The following MZF1 variants were observed in gnomAD, a reference collection of about 807,000 sequenced individuals.
The protein encoded by MZF1 is zinc finger and SCAN domain-containing protein 6.
MZF1 carries 24 observed loss-of-function variants against 28.6 expected under a neutral mutation model. The observed-to-expected ratio is 0.84, with a 90% CI of 0.61 to 1.18. The LOEUF (loss-of-function observed/expected upper bound fraction) is 1.18. Ranked by LOEUF, MZF1 falls within the 50% of genes most tolerant of loss-of-function variation. The pLI is 0.00. For synonymous variants in MZF1, 516 were observed against 432.5 expected, an observed-to-expected ratio of 1.19 and a Z score of -2.40; for missense variants, 1,166 against 1,026.4, an observed-to-expected ratio of 1.14 and a Z score of -1.86.
chr19:58,562,756 G>A lies in MZF1; in HGVS notation c.1521C>T (p.His507=), dbSNP rs1357900576. Residue 507 remains histidine (H), a synonymous_variant, in exon 6 of 6, where the codon CAC becomes CAT. Coordinates refer to ENST00000215057, the MANE Select transcript of MZF1 (RefSeq NM_198055.2). The part of the protein sequence containing the change: ...RAVLLEHQAV[H]TGDKSFGCVE... ...CGCAGCCAAAGGACTTGTCGCCCGT[G>A]TGTACCGCCTGGTGCTCCAGCAGCA... 1 of 1,536,132 alleles carries A rather than the reference G, an allele frequency of 6.5e-7. No homozygotes were observed. Among genetic ancestry groups the A allele is most frequent in the Admixed American group, 2.0e-5 (1 of 51,048 alleles).
In MZF1 at chr19:58,562,900, C is replaced by A; in HGVS notation, c.1377G>T (p.Gln459His). Residue 459 changes from glutamine (Q) to histidine (H), a missense_variant, in exon 6 of 6, where the codon CAG (glutamine) becomes CAT (histidine). Transcript: ENST00000215057. ...GGCCCGGGGGATCGCCGTGGATGCGCTGGTGCTGCAGCAGATTGGAGCGCT... is the reference window on the plus strand; with the variant it reads ...GGCCCGGGGGATCGCCGTGGATGCGATGGTGCTGCAGCAGATTGGAGCGCT... ...FRQRSNLLQH[Q>H]RIHGDPPGPG... 1 of 1,582,846 alleles carries A rather than the reference C, an allele frequency of 6.3e-7. No individual in the cohort carries two copies. The highest frequency in any genetic ancestry group is 8.5e-7 in the Non-Finnish European group (1 of 1,170,496).
intron 5 of MZF1, chr19:58,564,241 A>C (rs775358367): frequency 6.6e-6 from 1 of 152,266 alleles, no homozygotes; most frequent in African/African-American, 2.4e-5. Flanking sequence ...GAGAAAGTCC[A>C]TAAGTCGCCA....
rs1372344739 is a variant in MZF1, at chr19:58,564,920, T to TG, written c.773-1417_773-1416insC. Among the ~76,000 whole-genome samples the TG allele has an allele frequency of 2.0e-3, 248 of 123,678 alleles. 1 individual carries two copies. The highest frequency in any genetic ancestry group is 3.6e-3 in the Middle Eastern group (1 of 276). 81.1% of individuals were successfully genotyped at this position (123,678 alleles called of 152,430 possible). The stretch of plus-strand genomic sequence containing the variant: ...TGTGTGTGTTTTTTTTTTTTTTTTT[T>TG]TTTTTTTTTTTTTTTTTTGAGACTG... On this transcript the variant is annotated intron_variant, in intron 5 of 5. Transcript: ENST00000215057.
At chr19:58,571,666 C>G in intron 1 of MZF1, 3 of 438,508 alleles carry the variant, frequency 6.8e-6, no homozygotes. Context: ...GACAGTCTCC[C>G]TGCTCCAAAC....
At chr19:58,569,168 TG>T in intron 5 of MZF1, 108 bp downstream of exon 5, 1 of 1,378,798 alleles carries the variant, frequency 7.3e-7, no homozygotes, top group Non-Finnish European at 9.7e-7. Flanking sequence ...TGGGGGAACT[TG>T]GGGATGCTGG....
intron 5 of MZF1, 126 bp downstream of exon 5, chr19:58,569,151 T>C (rs2054109977): frequency 1.5e-6 from 2 of 1,309,590 alleles, no homozygotes; most frequent in South Asian, 1.4e-5. Context: ...GGGGATGATC[T>C]AGGGAATGGG....
At chr19:58,566,136 G>A (rs1436261500) in intron 5 of MZF1, among the ~76,000 whole-genome samples, 1 of 136,038 alleles carries the variant, frequency 7.4e-6, no homozygotes, top group South Asian at 2.4e-4. Flanking sequence ...GTGAGACTCC[G>A]TCTCAAAAAA....
chr19:58,570,622 G>A (rs1046158739), intron 2 of MZF1, 95 bp from the exon 3 acceptor site: 3 of 1,353,452 alleles, frequency 2.2e-6, no homozygotes, highest in African/African-American at 1.5e-5. Context: ...TAGGATCCCA[G>A]GGGCCTGCCT....
rs1232993943 is a variant in MZF1, at chr19:58,562,218, C to T, written c.2059G>A (p.Gly687Ser). The change falls in exon 6 of 6, where the codon GGC becomes AGC. Residue 687 changes from glycine to serine, a missense_variant. Coordinates refer to ENST00000215057, the MANE Select transcript of MZF1 (RefSeq NM_198055.2). ...GERPYACPEC[G>S]KAFRQRPTLT... ...GTGGGCCGCTGGCGGAAGGCCTTGC[C>T]ACACTCAGGGCATGCGTAGGGCCGT... 6.2e-7 allele frequency: 1 copy of T among 1,608,708 alleles called. No homozygotes were observed. Among genetic ancestry groups the T allele is most frequent in the Non-Finnish European group, 8.5e-7 (1 of 1,179,190 alleles).
rs768999008 is a variant in MZF1 at position 58,562,302 on chromosome 19, C to T, written c.1975G>A (p.Gly659Ser). ...GERPFACPEC[G>S]QSFRQHANLT... ...TTGGCGTGCTGCCGAAAGCTCTGGCCGCACTCGGGGCAGGCGAAGGGCCGT... is the reference window on the plus strand; with the variant it reads ...TTGGCGTGCTGCCGAAAGCTCTGGCTGCACTCGGGGCAGGCGAAGGGCCGT... Residue 659 changes from glycine to serine, a missense_variant, in exon 6 of 6, where the codon GGC (glycine) becomes AGC (serine). Transcript: ENST00000215057. 1.7e-5 allele frequency: 28 copies of T among 1,609,754 alleles called. No individual in the cohort carries two copies. The highest frequency in any genetic ancestry group is 2.1e-5 in the Non-Finnish European group (25 of 1,179,004).
intron 5 of MZF1, among the ~76,000 whole-genome samples, chr19:58,567,818 T>G (rs895644161): frequency 6.6e-6 from 1 of 151,642 alleles, no homozygotes; most frequent in Non-Finnish European, 1.5e-5. Flanking sequence ...GAACACACTG[T>G]TTTTTTTTAA....
chr19:58,571,567 T>C (rs2054164662), intron 1 of MZF1, 138 bp from the exon 2 acceptor site: 3 of 786,992 alleles, frequency 3.8e-6, no homozygotes, highest in Non-Finnish European at 5.9e-6. Context: ...AAAGGCCATC[T>C]ACAACCCACA....
At chr19:58,571,521 A>C (rs940901702) in intron 1 of MZF1, 92 bp from the exon 2 acceptor site, 16 of 1,183,450 alleles carry the variant, frequency 1.4e-5, no homozygotes, top group Non-Finnish European at 1.7e-5. Flanking sequence ...CCTCAGACCT[A>C]CCCCATGTGG....
At chr19:58,572,803 C>T (rs565269185) in intron 1 of MZF1, 1 of 384,936 alleles carries the variant, frequency 2.6e-6, no homozygotes, top group Non-Finnish European at 4.8e-6. Context: ...CAGGCGGCAA[C>T]TTCCGCTCCA....
chr19:58,570,323 G>C, intron 3 of MZF1, 21 bp downstream of exon 3: 1 of 1,584,028 alleles, frequency 6.3e-7, no homozygotes, highest in Non-Finnish European at 8.6e-7. Context: ...CCTTAGGCGC[G>C]CCCACCGTGC....
At chr19:58,570,667 T>TAGTC in intron 2 of MZF1, 140 bp from the exon 3 acceptor site, 5 of 908,620 alleles carry the variant, frequency 5.5e-6, no homozygotes, top group African/African-American at 1.7e-5. Flanking sequence ...TCCAAGGACC[T>TAGTC]ACCTCCCCTA....
rs141191488 is a variant in MZF1, at chr19:58,569,181, G to A, written c.772+96C>T. The A allele has an allele frequency of 5.2e-3, 7,460 of 1,433,422 alleles. 24 individuals carry two copies. Among genetic ancestry groups the A allele is most frequent in the Non-Finnish European group, 6.2e-3 (6,699 of 1,073,000 alleles). 88.8% of individuals were successfully genotyped at this position (1,433,422 alleles called of 1,614,324 possible). On this transcript the variant is annotated intron_variant, in intron 5 of 5. Coordinates refer to ENST00000215057, the MANE Select transcript of MZF1 (RefSeq NM_198055.2). ...AATGGGGGAACTTGGGGATGCTGGA[G>A]TAAGAGGGCTGCCTGCGTAGGGCCA...
intron 5 of MZF1, 160 bp downstream of exon 5, chr19:58,569,117 T>A (rs916603428): frequency 2.5e-5 from 24 of 965,622 alleles, no homozygotes; most frequent in Non-Finnish European, 3.6e-5. Context: ...GGGCAGAAGA[T>A]GCTAGAGGAG....
At chr19:58,563,893 T>C (rs1164961174) in intron 5 of MZF1, 1 of 178,036 alleles carries the variant, frequency 5.6e-6, no homozygotes, top group Non-Finnish European at 1.2e-5. Context: ...TGCAGGCTCC[T>C]GGATAGTGGT....
Sources: gnomAD v4.1 joint callset for allele counts (sites outside exome capture counted in the v4.1 genomes callset) on GRCh38, gnomAD v4.1.1 for gene constraint, MANE v1.5 for transcripts, NCBI Gene and HGNC (gene_info 2026-07-23, HGNC 2026-07-21) for gene names.